Variants in MGA observed in about 807,000 individuals in gnomAD.
MGA encodes the protein MAX gene-associated protein.
In MGA, 40 loss-of-function variants were observed where a neutral mutation model predicts 261.1. The observed-to-expected ratio is 0.15, with a 90% CI of 0.12 to 0.20. The LOEUF (loss-of-function observed/expected upper bound fraction) is 0.20. MGA is among the 10% of genes least tolerant of loss of function. MGA has a pLI of 1.00. For missense variants in MGA, 3,397 were observed against 3,630.5 expected (o/e 0.94, Z 1.65); for synonymous variants, 1,302 against 1,290.6 (o/e 1.01, Z -0.19).
chr15:41,626,333 G>A (rs535268349), intron 1 of MGA, among the ~76,000 whole-genome samples: 1 of 149,760 alleles, frequency 6.7e-6, no homozygotes, highest in African/African-American at 2.5e-5. Context: ...GCACAGGCTG[G>A]TCTCAAACTA....
chr15:41,629,003 A>G (rs867974806), intron 1 of MGA, among the ~76,000 whole-genome samples: 1 of 150,462 alleles, frequency 6.6e-6, no homozygotes, highest in Non-Finnish European at 1.5e-5. Context: ...TTAGCTGGCC[A>G]TGGTGGCGGG....
At chr15:41,685,840 A>C (rs934087162) in intron 2 of MGA, among the ~76,000 whole-genome samples, 1 of 151,866 alleles carries the variant, frequency 6.6e-6, no homozygotes, top group Admixed American at 6.6e-5. Context: ...GTCTCTACTA[A>C]AAATACAAAA....
chr15:41,749,192 C>T lies in MGA; in HGVS notation c.5585C>T (p.Ser1862Phe). The T allele has an allele frequency of 6.2e-7, 1 of 1,614,048 alleles. No homozygotes were observed. The highest frequency in any genetic ancestry group is 8.5e-7 in the Non-Finnish European group (1 of 1,179,908). The change falls in exon 17 of 24, where the codon TCT becomes TTT. Residue 1862 changes from serine (S) to phenylalanine (F), a missense_variant. Ser to Phe is a radical substitution (Grantham distance 155). This residue lies in a region of MGA where 1,410 missense variants were observed against 1,386.4 expected (regional missense o/e 1.02). Transcript: ENST00000219905. ...TCTTCCACTTCGTCCTCTGCTTTCTCTGTCATGAATCCTGTAATTCAAGCT... is the reference window on the plus strand; with the variant it reads ...TCTTCCACTTCGTCCTCTGCTTTCTTTGTCATGAATCCTGTAATTCAAGCT...
intron 1 of MGA, among the ~76,000 whole-genome samples, chr15:41,650,221 G>A (rs2057014422): frequency 1.3e-5 from 2 of 152,160 alleles, no homozygotes; most frequent in South Asian, 2.1e-4. Context: ...TGCGTTCCAG[G>A]ATATGTACAT....
chr15:41,636,417 C>T (rs912275614), intron 1 of MGA, among the ~76,000 whole-genome samples: 2 of 151,500 alleles, frequency 1.3e-5, no homozygotes, highest in Middle Eastern at 3.4e-3. Context: ...CTCAGCCTCC[C>T]CAGTAGCTGG....
chr15:41,624,072 ATT>A (rs946340051), intron 1 of MGA, among the ~76,000 whole-genome samples: 1 of 132,756 alleles, frequency 7.5e-6, no homozygotes. Context: ...AGCAAATTAA[ATT>A]TTTTTTTTTT....
At position 41,736,636 on chromosome 15, in the gene MGA, C is replaced by T; in HGVS notation, c.4372C>T (p.Pro1458Ser). 1 of 1,613,954 alleles carries T rather than the reference C, an allele frequency of 6.2e-7. No individual in the cohort carries two copies. The highest frequency in any genetic ancestry group is 8.5e-7 in the Non-Finnish European group (1 of 1,179,858). The change falls in exon 13 of 24, where the codon CCT becomes TCT. Residue 1458 changes from proline (P) to serine (S), a missense_variant. Physicochemically the swap from Pro to Ser is moderately conservative, Grantham distance 74 (BLOSUM62 -1). This residue lies in a region of MGA where 1,410 missense variants were observed against 1,386.4 expected (regional missense o/e 1.02). Transcript: ENST00000219905. ...TCTGCCTTTTTATGCAGGGCTTTCT[C>T]CTGCAGGGAAGCTTGTGGCCTATAA...
Position 41,642,478 on chromosome 15 carries a change from T to TTTA in MGA, c.-68+21201_-68+21203dup, listed in dbSNP as rs919506386. Among the ~76,000 whole-genome samples, 233 of 151,042 alleles carry TTTA rather than the reference T, an allele frequency of 1.5e-3. 1 individual carries two copies. Among genetic ancestry groups the TTTA allele is most frequent in the Non-Finnish European group, 1.1e-3 (73 of 67,764 alleles). Reference sequence around the variant, plus strand: ...GTGCCCGCCACTACTCCCAGCTAATTTTATTATTATTATTATTATTATTTT... The same window carrying TTTA: ...GTGCCCGCCACTACTCCCAGCTAATTTTATTATTATTATTATTATTATTATTTT... On this transcript the variant is annotated intron_variant, in intron 1 of 8. Coordinates refer to the MGA transcript ENST00000566718.
intron 1 of MGA, among the ~76,000 whole-genome samples, chr15:41,666,696 T>C (rs995173045): frequency 4.6e-5 from 7 of 152,256 alleles, no homozygotes; most frequent in Non-Finnish European, 1.0e-4. Flanking sequence ...ATTAAGCTTA[T>C]ACATTCTCTT....
chr15:41,648,142 T>C (rs2056971249), intron 1 of MGA, among the ~76,000 whole-genome samples: 1 of 152,254 alleles, frequency 6.6e-6, no homozygotes, highest in Admixed American at 6.5e-5. Context: ...GCTTACTTCG[T>C]ATCTGGCACC....
At chr15:41,736,925 T>C (rs563890266) in intron 13 of MGA, among the ~76,000 whole-genome samples, 34 of 152,312 alleles carry the variant, frequency 2.2e-4, no homozygotes, top group African/African-American at 7.2e-4. Flanking sequence ...TTAGTTTTAA[T>C]TTTCTTTCTA....
At chr15:41,690,436 A>G (rs1177674592) in intron 2 of MGA, among the ~76,000 whole-genome samples, 1 of 152,172 alleles carries the variant, frequency 6.6e-6, no homozygotes, top group Admixed American at 6.5e-5. Flanking sequence ...TGTTGAAAAG[A>G]CCATTCTTTC....
At chr15:41,695,633 T>C (rs1000666565) in intron 2 of MGA, among the ~76,000 whole-genome samples, 2 of 152,234 alleles carry the variant, frequency 1.3e-5, no homozygotes, top group Non-Finnish European at 2.9e-5. Flanking sequence ...TATTTGCCTT[T>C]AACTCCCTAT....
chr15:41,633,448 G>T (rs1360998153), intron 1 of MGA, among the ~76,000 whole-genome samples: 1 of 151,108 alleles, frequency 6.6e-6, no homozygotes, highest in Non-Finnish European at 1.5e-5. Flanking sequence ...CTGCCTCCTG[G>T]GCTCAAGTGA....
intron 1 of MGA, among the ~76,000 whole-genome samples, chr15:41,623,775 ATTTTTTT>A (rs202119156): frequency 9.0e-6 from 1 of 110,756 alleles, no homozygotes. Context: ...ATATATATAT[ATTTTTTT>A]TTTTTTTTTG....
At chr15:41,649,022 T>C (rs2150695954) in intron 1 of MGA, among the ~76,000 whole-genome samples, 1 of 152,170 alleles carries the variant, frequency 6.6e-6, no homozygotes, top group Middle Eastern at 3.4e-3. Context: ...GTGCAAAATG[T>C]TTTAAATTGA....
intron 2 of MGA, among the ~76,000 whole-genome samples, chr15:41,674,672 A>G (rs2058280250): frequency 6.6e-6 from 1 of 152,026 alleles, no homozygotes; most frequent in Non-Finnish European, 1.5e-5. Context: ...GACGCATGCC[A>G]CCACAGCCAA....
At chr15:41,763,393 G>T (rs552508061) in intron 22 of MGA, among the ~76,000 whole-genome samples, 1 of 151,106 alleles carries the variant, frequency 6.6e-6, no homozygotes, top group Non-Finnish European at 1.5e-5. Context: ...GAGCCACTGC[G>T]CCTGGCCATC....
intron 1 of MGA, among the ~76,000 whole-genome samples, chr15:41,648,063 A>C (rs2056969923): frequency 6.6e-6 from 1 of 152,160 alleles, no homozygotes; most frequent in African/African-American, 2.4e-5. Context: ...TCCTCTCCCT[A>C]ATGCTTCTAA....
Sources: allele counts gnomAD v4.1 joint callset (sites outside exome capture counted in the v4.1 genomes callset), GRCh38; gene constraint gnomAD v4.1.1; regional missense constraint gnomAD v4.1.1; transcripts MANE v1.5; gene names NCBI Gene and HGNC (gene_info 2026-07-23, HGNC 2026-07-21).